Variants in MMP20 observed in about 807,000 individuals in gnomAD.
MMP20 encodes the protein matrix metalloproteinase-20.
Under a neutral mutation model 51.8 loss-of-function variants are expected in MMP20, and 50 were observed. That is an observed-to-expected ratio of 0.97 (90% CI 0.77 to 1.22). MMP20 has a LOEUF of 1.22. Among genes scored for constraint, MMP20 ranks in the 50% most tolerant of loss-of-function variants. MMP20 has a pLI of 0.00. For missense variants in MMP20, 663 were observed against 601.4 expected (o/e 1.10, Z -1.07); for synonymous variants, 244 against 216.2 (o/e 1.13, Z -1.13).
At chr11:102,608,778 A>G (rs1332901128) in intron 5 of MMP20, among the ~76,000 whole-genome samples, 159 bp downstream of exon 5, 1 of 152,258 alleles carries the variant, frequency 6.6e-6, no homozygotes, top group Non-Finnish European at 1.5e-5. Context: ...TCACACACAT[A>G]TTTATAACTA....
At chr11:102,622,676 T>C (rs1455352384) in intron 1 of MMP20, among the ~76,000 whole-genome samples, 2 of 152,220 alleles carry the variant, frequency 1.3e-5, no homozygotes, top group Non-Finnish European at 1.5e-5. Flanking sequence ...ACTCATTGGT[T>C]GACTTGTTTA....
Position 102,616,882 on chromosome 11 carries a change from C to T in MMP20, c.304G>A (p.Val102Ile). 1 of 1,614,174 alleles carries T rather than the reference C, an allele frequency of 6.2e-7. No homozygotes were observed. The highest frequency in any genetic ancestry group is 1.1e-5 in the South Asian group (1 of 91,084). The stretch of plus-strand genomic sequence containing the variant: ...AGGCGATAATTGGCCACATCAGGAA[C>T]TCCACAGCGAGGCTTCTTGATCACG... The part of the protein sequence containing the change: ...MNVIKKPRCG[V>I]PDVANYRLFP... The change falls in exon 2 of 10, where the codon GTT becomes ATT. Residue 102 changes from valine (V) to isoleucine (I), a missense_variant. Physicochemically the swap from Val to Ile is conservative, Grantham distance 29. Transcript: ENST00000260228.
intron 1 of MMP20, among the ~76,000 whole-genome samples, chr11:102,617,766 T>A (rs1336873432): frequency 1.3e-5 from 2 of 152,226 alleles, no homozygotes; most frequent in Admixed American, 1.3e-4. Context: ...CCCCTCAGTA[T>A]ATATTGTTCA....
intron 9 of MMP20, among the ~76,000 whole-genome samples, chr11:102,578,770 CAAAAAACAAA>C (rs1404440062): frequency 1.0e-4 from 11 of 107,828 alleles, no homozygotes; most frequent in Admixed American, 2.7e-4. Context: ...AAAACAAAAA[CAAAAAACAAA>C]ACACACACAC....
At chr11:102,589,319 T>C (rs1859289574) in intron 8 of MMP20, among the ~76,000 whole-genome samples, 1 of 152,248 alleles carries the variant, frequency 6.6e-6, no homozygotes, top group Admixed American at 6.5e-5. Context: ...CATCACTTCC[T>C]CTAAGAATTA....
intron 8 of MMP20, among the ~76,000 whole-genome samples, chr11:102,579,503 G>A (rs901604751): frequency 6.6e-6 from 1 of 151,612 alleles, no homozygotes; most frequent in African/African-American, 2.4e-5. Context: ...ATAAAGACAG[G>A]GTCTTGCCAT....
In MMP20 at chr11:102,577,267, A is replaced by G; in HGVS notation, c.*59T>C. Reference sequence around the variant, plus strand: ...CCTACATTCTGCTTTAGTCCTTAAGATCCAGTTAGAGGCTGCTTGTAGTCA... The same window carrying G: ...CCTACATTCTGCTTTAGTCCTTAAGGTCCAGTTAGAGGCTGCTTGTAGTCA... On this transcript the variant is annotated 3_prime_UTR_variant, in exon 10 of 10. Transcript: ENST00000260228. 1 of 1,154,066 alleles carries G rather than the reference A, an allele frequency of 8.7e-7. No individual in the cohort carries two copies. Among genetic ancestry groups the G allele is most frequent in the Non-Finnish European group, 1.3e-6 (1 of 761,344 alleles). 71.5% of individuals were successfully genotyped at this position (1,154,066 alleles called of 1,614,324 possible).
chr11:102,624,499 C>A (rs143999964), intron 1 of MMP20, among the ~76,000 whole-genome samples: 1 of 148,064 alleles, frequency 6.8e-6, no homozygotes, highest in Non-Finnish European at 1.5e-5. Flanking sequence ...GAATATGGAT[C>A]ATTTCTATCA....
In MMP20 at chr11:102,593,603, C is replaced by T. The variant is rs750091867; in HGVS notation, c.1091-8G>A. On this transcript the variant is annotated splice_region_variant and splice_polypyrimidine_tract_variant and intron_variant, in intron 7 of 9. Transcript: ENST00000260228. ...TTATCCAGTAGTGGGGACCTGAAAA[C>T]AGAAATTAAAGTTTACGAAAACTCT... is the stretch of plus-strand genomic sequence containing the variant. 1.2e-6 allele frequency: 2 copies of T among 1,613,960 alleles called. No homozygotes were observed. The highest frequency in any genetic ancestry group is 1.7e-6 in the Non-Finnish European group (2 of 1,179,894).
intron 2 of MMP20, among the ~76,000 whole-genome samples, chr11:102,612,692 T>C (rs906906157): frequency 1.3e-4 from 19 of 151,750 alleles, no homozygotes; most frequent in African/African-American, 3.9e-4. Context: ...GGTTTTTTTT[T>C]CCCTCAGAAT....
At chr11:102,605,742 A>G (rs970663583) in intron 6 of MMP20, among the ~76,000 whole-genome samples, 2 of 152,208 alleles carry the variant, frequency 1.3e-5, no homozygotes, top group Admixed American at 1.3e-4. Context: ...CCACACATGA[A>G]TGCTCCTGAG....
chr11:102,597,415 G>A (rs1711435), intron 6 of MMP20, among the ~76,000 whole-genome samples: 131,716 of 152,248 alleles, frequency 0.87, 57,161 homozygotes, highest in East Asian at 0.99. Flanking sequence ...TCCTTACTAA[G>A]GAAATATTGA....
At chr11:102,578,972 T>C in intron 9 of MMP20, 67 bp downstream of exon 9, 1 of 1,171,566 alleles carries the variant, frequency 8.5e-7, no homozygotes, top group Non-Finnish European at 1.3e-6. Flanking sequence ...CTTTCTGTTG[T>C]GTTAAAGCAA....
intron 1 of MMP20, 72 bp from the exon 2 acceptor site, chr11:102,617,131 GA>G: frequency 6.4e-7 from 1 of 1,561,528 alleles, no homozygotes; most frequent in Non-Finnish European, 8.8e-7. Context: ...TAAGGCAGGG[GA>G]CAGCATTCCT....
intron 6 of MMP20, among the ~76,000 whole-genome samples, chr11:102,600,194 A>G (rs1489591510): frequency 6.6e-6 from 1 of 152,220 alleles, no homozygotes; most frequent in African/African-American, 2.4e-5. Flanking sequence ...CGAAGGAGGA[A>G]GACTTCCTCC....
intron 1 of MMP20, among the ~76,000 whole-genome samples, chr11:102,624,839 T>A (rs1285353026): frequency 1.3e-5 from 2 of 152,176 alleles, no homozygotes; most frequent in Non-Finnish European, 2.9e-5. Context: ...AGCGTGTGGA[T>A]TATGCCTCGG....
At position 102,577,316 on chromosome 11, in the gene MMP20, G is replaced by C. The variant is rs760385946; in HGVS notation, c.*10C>G. The C allele has an allele frequency of 2.5e-6, 4 of 1,586,360 alleles. No homozygotes were observed. In the South Asian group the frequency reaches 4.4e-5, roughly 18 times the overall value. ...CATCCTCATTGCTTGAGAAGACTAG[G>C]CTTTTCTATTTAGCAACCAATCCAG... is the stretch of plus-strand genomic sequence containing the variant. On this transcript the variant is annotated 3_prime_UTR_variant, in exon 10 of 10. Coordinates refer to ENST00000260228, the MANE Select transcript of MMP20 (RefSeq NM_004771.4).
chr11:102,611,080 C>T (rs186698394), intron 3 of MMP20, among the ~76,000 whole-genome samples: 3 of 152,350 alleles, frequency 2.0e-5, no homozygotes, highest in Admixed American at 2.0e-4. Context: ...AGGCTTTATT[C>T]TCAGGACTTG....
intron 8 of MMP20, among the ~76,000 whole-genome samples, chr11:102,585,724 A>T (rs1218857704): frequency 6.6e-6 from 1 of 152,158 alleles, no homozygotes; most frequent in Non-Finnish European, 1.5e-5. Flanking sequence ...TGACTATGCC[A>T]TCAGCTGTGG....
Sources: gnomAD v4.1 joint callset for allele counts (sites outside exome capture counted in the v4.1 genomes callset) on GRCh38, gnomAD v4.1.1 for gene constraint, MANE v1.5 for transcripts, NCBI Gene and HGNC (gene_info 2026-07-23, HGNC 2026-07-21) for gene names.